DPH1: variants seen among roughly 807,000 people sequenced by gnomAD.
DPH1 encodes 2-(3-amino-3-carboxypropyl)histidine synthase subunit 1.
In DPH1, 59 loss-of-function variants were observed where a neutral mutation model predicts 55.3. The observed-to-expected ratio is 1.07, with a 90% CI of 0.87 to 1.33. The LOEUF (loss-of-function observed/expected upper bound fraction) is 1.33. Ranked by LOEUF, DPH1 falls within the 40% of genes most tolerant of loss-of-function variation. DPH1 has a pLI of 0.00. For synonymous variants in DPH1, 238 were observed against 235.5 expected, an observed-to-expected ratio of 1.01 and a Z score of -0.10; for missense variants, 628 against 584.8, an observed-to-expected ratio of 1.07 and a Z score of -0.76.
chr17:2,039,706 C>T, intron 6 of DPH1, 49 bp from the exon 7 acceptor site: 1 of 1,612,176 alleles, frequency 6.2e-7, no homozygotes, highest in Non-Finnish European at 8.5e-7. Flanking sequence ...CCAGCGAGTG[C>T]CTCTTCTGCT....
At chr17:2,041,330 G>A in intron 10 of DPH1, 149 bp downstream of exon 10, 1 of 1,453,044 alleles carries the variant, frequency 6.9e-7, no homozygotes, top group Non-Finnish European at 9.4e-7. Flanking sequence ...CTTCCTAGCT[G>A]TGTAGCCTTA....
At chr17:2,031,679 C>T (rs540471639) in intron 1 of DPH1, among the ~76,000 whole-genome samples, 10 of 151,536 alleles carry the variant, frequency 6.6e-5, no homozygotes, top group South Asian at 4.2e-4. Context: ...ACGTCGAGGC[C>T]GCAGTGGACC....
intron 3 of DPH1, among the ~76,000 whole-genome samples, chr17:2,035,406 G>A (rs1357204264): frequency 8.9e-6 from 1 of 112,016 alleles, no homozygotes; most frequent in East Asian, 2.7e-4. Flanking sequence ...TGCCTGCGGT[G>A]GGGAGGTAGT....
chr17:2,039,696 C>T, intron 6 of DPH1, 59 bp from the exon 7 acceptor site: 3 of 1,610,016 alleles, frequency 1.9e-6, no homozygotes, highest in Non-Finnish European at 1.7e-6. Flanking sequence ...GACTTCTAAG[C>T]CAGCGAGTGC....
chr17:2,033,767 C>G lies in DPH1; in HGVS notation c.215-12C>G, dbSNP rs749020335. The G allele has an allele frequency of 6.2e-7, 1 of 1,614,246 alleles. No individual in the cohort carries two copies. The highest frequency in any genetic ancestry group is 2.2e-5 in the East Asian group (1 of 44,888). ...TAGCCCTCCACCTCTCATGTCTCTG[C>G]TCGTCTTGCAGTGGCCTTGCAAATG... is the stretch of plus-strand genomic sequence containing the variant. On this transcript the variant is annotated splice_polypyrimidine_tract_variant and intron_variant, in intron 2 of 12. Transcript: ENST00000263083.
At chr17:2,040,677 C>A in intron 9 of DPH1, 72 bp downstream of exon 9, 2 of 1,519,114 alleles carry the variant, frequency 1.3e-6, no homozygotes, top group African/African-American at 1.4e-5. Flanking sequence ...GTCTTGAAGG[C>A]TGGAGCCAAC....
chr17:2,034,543 C>G (rs1289812245), intron 3 of DPH1, among the ~76,000 whole-genome samples: 1 of 98,894 alleles, frequency 1.0e-5, no homozygotes, highest in Non-Finnish European at 2.1e-5. Context: ...CCCCTGCTGC[C>G]CCATCCCCCT....
chr17:2,033,807 C>G lies in DPH1; in HGVS notation c.243C>G (p.Leu81=), dbSNP rs1224501864. 1.1e-5 allele frequency: 17 copies of G among 1,614,082 alleles called. No individual in the cohort carries two copies. Among genetic ancestry groups the G allele is most frequent in the Non-Finnish European group, 1.2e-5 (14 of 1,180,050 alleles). ...KVALQMPEGL[L]LFACTIVDIL... ...CCTTGCAAATGCCGGAAGGCCTCCT[C>G]CTCTTTGCCTGTACCATTGTGGATA... The change falls in exon 3 of 13, where the codon CTC becomes CTG. Residue 81 remains leucine (L), a synonymous_variant. Coordinates refer to ENST00000263083, the MANE Select transcript of DPH1 (RefSeq NM_001383.6).
At position 2,041,603 on chromosome 17, in the gene DPH1, C is replaced by T; in HGVS notation, c.1209C>T (p.Gly403=). 1.2e-6 allele frequency: 2 copies of T among 1,607,026 alleles called. No individual in the cohort carries two copies. The highest frequency in any genetic ancestry group is 1.7e-6 in the Non-Finnish European group (2 of 1,177,316). The change falls in exon 11 of 13, where the codon GGC becomes GGT. Residue 403 remains glycine, a synonymous_variant. Coordinates refer to ENST00000263083, the MANE Select transcript of DPH1 (RefSeq NM_001383.6). ...AGGACCGCCGTCCCCACGCCCCGGG[C>T]CGGCCCGCGCGGGGGAAGGTAGGCG... ...HGQDRRPHAP[G]RPARGKVQEG...
chr17:2,036,392 A>C lies in DPH1; in HGVS notation c.401-137A>C, dbSNP rs1567544691. 6 of 1,151,784 alleles carry C rather than the reference A, an allele frequency of 5.2e-6. No individual in the cohort carries two copies. Among genetic ancestry groups the C allele is most frequent in the Non-Finnish European group, 7.4e-6 (6 of 808,950 alleles). The allele number at this position is 1,151,784 out of a possible 1,614,324, so 71.3% of individuals were successfully genotyped here. On this transcript the variant is annotated intron_variant, in intron 4 of 12. Coordinates refer to ENST00000263083, the MANE Select transcript of DPH1 (RefSeq NM_001383.6). This position sits in a 1 kb window ranked among gnomAD's most constrained non-coding sequence, Gnocchi z 4.8. ...AGAAGGAGCTTCTAGGGGATCTGTG[A>C]CCCCCCTCTTCTCCTACCCTGTCCT...
At chr17:2,042,223 C>A (rs2067549278) in intron 12 of DPH1, 3 of 1,426,890 alleles carry the variant, frequency 2.1e-6, no homozygotes, top group Non-Finnish European at 2.7e-6. Flanking sequence ...GGCGCCAGAT[C>A]AGACTTCGGT....
At position 2,040,303 on chromosome 17, in the gene DPH1, G is replaced by A. The variant is rs201377046; in HGVS notation, c.835G>A (p.Ala279Thr). 69 of 1,613,948 alleles carry A rather than the reference G, an allele frequency of 4.3e-5. No individual in the cohort carries two copies. Among genetic ancestry groups the A allele is most frequent in the Non-Finnish European group, 5.8e-5 (69 of 1,180,046 alleles). Reference sequence around the variant, plus strand: ...TGCTCGCCAAGAAGCCATAGCCACTGCCCGCTCAGCTAAGTCCTGGGGCCT... The same window carrying A: ...TGCTCGCCAAGAAGCCATAGCCACTACCCGCTCAGCTAAGTCCTGGGGCCT... ...QAARQEAIAT[A>T]RSAKSWGLIL... is the part of the protein sequence containing the mutation. The change falls in exon 8 of 13, where the codon GCC becomes ACC. Residue 279 changes from alanine (A) to threonine (T), a missense_variant. Coordinates refer to ENST00000263083, the MANE Select transcript of DPH1 (RefSeq NM_001383.6).
Position 2,030,186 on chromosome 17 carries a change from T to G in DPH1, c.17T>G (p.Val6Gly). ...AGGCAGGTGATGGCGGCGCTGGTCG[T>G]ATCCGGGGCAGCGGAGCAGGGCGGC... Reference protein sequence around the residue: MAALVVSGAAEQGGRD... With the variant: MAALVGSGAAEQGGRD... The change falls in exon 1 of 13, where the codon GTA (valine) becomes GGA (glycine). Residue 6 changes from valine (V) to glycine (G), a missense_variant. Transcript: ENST00000263083. 1 of 1,603,108 alleles carries G rather than the reference T, an allele frequency of 6.2e-7. No homozygotes were observed. The highest frequency in any genetic ancestry group is 8.5e-7 in the Non-Finnish European group (1 of 1,175,980).
At chr17:2,042,144 C>T (rs564933862) in intron 12 of DPH1, 4 of 1,530,850 alleles carry the variant, frequency 2.6e-6, no homozygotes, top group Non-Finnish European at 3.5e-6. Context: ...GAGGAAGGCG[C>T]TGCGGGGTCG....
intron 12 of DPH1, 30 bp from the exon 13 acceptor site, chr17:2,042,562 CTCCCATGCCCTAA>C: frequency 1.3e-6 from 2 of 1,484,584 alleles, no homozygotes; most frequent in Non-Finnish European, 1.8e-6. Flanking sequence ...TTCCTGGAGC[CTCCCATGCCCTAA>C]TCCCATCCTT....
At position 2,036,726 on chromosome 17, in the gene DPH1, C is replaced by T; in HGVS notation, c.558+40C>T. 1 of 1,611,280 alleles carries T rather than the reference C, an allele frequency of 6.2e-7. No individual in the cohort carries two copies. Among genetic ancestry groups the T allele is most frequent in the Non-Finnish European group, 8.5e-7 (1 of 1,178,638 alleles). Reference sequence around the variant, plus strand: ...GATCCTCGGCCTCCTGCAGGGTGGACAGCGGCCACTCTCCAGCTGTTGCGG... The same window carrying T: ...GATCCTCGGCCTCCTGCAGGGTGGATAGCGGCCACTCTCCAGCTGTTGCGG... On this transcript the variant is annotated intron_variant, in intron 5 of 12. Transcript: ENST00000263083. The surrounding 1 kb of genome is among the most constrained non-coding windows in gnomAD (Gnocchi z 4.8).
intron 6 of DPH1, 188 bp from the exon 7 acceptor site, chr17:2,039,567 C>T (rs7207466): frequency 0.74 from 442,163 of 599,630 alleles, 163,893 homozygotes; most frequent in East Asian, 0.92. Flanking sequence ...TTAGTAGAGA[C>T]GGGGTTTCAC....
chr17:2,038,181 C>A (rs1280211716), intron 6 of DPH1, among the ~76,000 whole-genome samples: 1 of 143,920 alleles, frequency 6.9e-6, no homozygotes, highest in Non-Finnish European at 1.5e-5. Flanking sequence ...AAAGAATTAG[C>A]TGGGTACAGT....
rs1464289903 is a variant in DPH1, at chr17:2,036,901, GGA to G, written c.630_631del (p.Glu210AspfsTer42). 1.2e-6 allele frequency: 2 copies of G among 1,613,762 alleles called. No homozygotes were observed. Among genetic ancestry groups the G allele is most frequent in the African/African-American group, 2.7e-5 (2 of 74,916 alleles). On this transcript the variant is annotated frameshift_variant, in exon 6 of 13. Coordinates refer to ENST00000263083, the MANE Select transcript of DPH1 (RefSeq NM_001383.6). LOFTEE classifies it high-confidence loss of function. This position sits in a 1 kb window ranked among gnomAD's most constrained non-coding sequence, Gnocchi z 4.8. ...SVPQCKPLSPGEILGCTSPRL... is the reference protein window; with the variant it reads ...SVPQCKPLSPXEILGCTSPRL... ...CCCACAGTGCAAGCCCCTGTCCCCT[GGA>G]GAGATCCTGGGCTGCACATCCCCCC...
Sources: allele counts gnomAD v4.1 joint callset (sites outside exome capture counted in the v4.1 genomes callset), GRCh38; gene constraint gnomAD v4.1.1; non-coding constraint Gnocchi (gnomAD v3.1); transcripts MANE v1.5; gene names NCBI Gene and HGNC (gene_info 2026-07-23, HGNC 2026-07-21).